GAD2: variants seen among roughly 807,000 people sequenced by gnomAD.
The protein encoded by GAD2 is 65 kDa glutamic acid decarboxylase.
In GAD2, 22 loss-of-function variants were observed where a neutral mutation model predicts 80.1. The ratio of observed to expected loss-of-function variants is 0.27; its 90% CI spans 0.20 to 0.39. The LOEUF is 0.39. Ranked by LOEUF, GAD2 falls within the 10% of genes least tolerant of loss-of-function variation. GAD2 has a pLI of 1.00. For missense variants in GAD2, 624 were observed against 738.4 expected, an observed-to-expected ratio of 0.85 and a Z score of 1.80; for synonymous variants, 274 against 256.9, an observed-to-expected ratio of 1.07 and a Z score of -0.64.
intron 3 of GAD2, among the ~76,000 whole-genome samples, chr10:26,218,551 T>TCACACACACACACACACACA (rs59054319): frequency 1.2e-4 from 14 of 118,860 alleles, no homozygotes; most frequent in East Asian, 1.1e-3. Context: ...TCTCTCTCTC[T>TCACACACACACACACACACA]CACACACACA....
intron 8 of GAD2, among the ~76,000 whole-genome samples, chr10:26,254,472 A>G (rs958430211): frequency 2.0e-5 from 3 of 152,142 alleles, no homozygotes; most frequent in African/African-American, 7.2e-5. Context: ...CCGGTTCCTA[A>G]CAGGTCACCA....
chr10:26,251,734 A>G (rs1351073903), intron 8 of GAD2, among the ~76,000 whole-genome samples: 2 of 152,246 alleles, frequency 1.3e-5, no homozygotes, highest in African/African-American at 4.8e-5. Flanking sequence ...GATTTCATCA[A>G]TTTGTTCTCC....
intron 8 of GAD2, among the ~76,000 whole-genome samples, chr10:26,247,577 G>A (rs1264111740): frequency 6.6e-6 from 1 of 152,032 alleles, no homozygotes; most frequent in Non-Finnish European, 1.5e-5. Flanking sequence ...CAGCAAATAC[G>A]GTGGCTCACG....
intron 8 of GAD2, among the ~76,000 whole-genome samples, chr10:26,251,516 C>A (rs957339086): frequency 6.6e-6 from 1 of 152,134 alleles, no homozygotes; most frequent in Non-Finnish European, 1.5e-5. Flanking sequence ...GAAAACAATC[C>A]GACAATGGGA....
chr10:26,222,597 G>T (rs944648096), intron 4 of GAD2, among the ~76,000 whole-genome samples: 2 of 152,166 alleles, frequency 1.3e-5, no homozygotes, highest in Non-Finnish European at 2.9e-5. Context: ...GTCAGCATCA[G>T]AGATAGAGGG....
At chr10:26,259,919 A>G (rs1312166398) in intron 8 of GAD2, among the ~76,000 whole-genome samples, 1 of 152,216 alleles carries the variant, frequency 6.6e-6, no homozygotes, top group Non-Finnish European at 1.5e-5. Context: ...TAAAAATAAG[A>G]ATGACAACAT....
At chr10:26,264,519 C>A (rs1845045363) in intron 8 of GAD2, among the ~76,000 whole-genome samples, 1 of 152,036 alleles carries the variant, frequency 6.6e-6, no homozygotes, top group African/African-American at 2.4e-5. Context: ...ACTGTGTTAG[C>A]CAGGATGGTC....
intron 15 of GAD2, among the ~76,000 whole-genome samples, chr10:26,297,030 T>C (rs1354670244): frequency 6.6e-6 from 1 of 152,114 alleles, no homozygotes; most frequent in Non-Finnish European, 1.5e-5. Flanking sequence ...TTCTCCCACC[T>C]CAGCCTGCCG....
chr10:26,284,564 CT>C (rs35046451), intron 12 of GAD2, among the ~76,000 whole-genome samples: 247 of 93,166 alleles, frequency 2.7e-3, no homozygotes, highest in South Asian at 0.014. Context: ...GGCTGTTCAG[CT>C]TTTTTTTTTT....
At chr10:26,244,299 C>T (rs765013775) in intron 7 of GAD2, among the ~76,000 whole-genome samples, 2 of 151,986 alleles carry the variant, frequency 1.3e-5, no homozygotes, top group African/African-American at 4.8e-5. Flanking sequence ...TAAAATGGTA[C>T]CGCCATGATG....
At chr10:26,299,437 T>C (rs1409995799) in intron 15 of GAD2, among the ~76,000 whole-genome samples, 3 of 152,176 alleles carry the variant, frequency 2.0e-5, no homozygotes, top group Admixed American at 6.5e-5. Flanking sequence ...TTTGCAGAAA[T>C]GAAGATCAGA....
chr10:26,289,622 C>T (rs915300375), intron 13 of GAD2, among the ~76,000 whole-genome samples: 11 of 151,588 alleles, frequency 7.3e-5, no homozygotes, highest in Non-Finnish European at 1.3e-4. Flanking sequence ...AGGCCCAGTG[C>T]CTACCGTTGA....
intron 6 of GAD2, among the ~76,000 whole-genome samples, chr10:26,227,291 C>T (rs995226791): frequency 3.3e-5 from 5 of 152,196 alleles, no homozygotes; most frequent in African/African-American, 9.7e-5. Context: ...TTAGAGGATT[C>T]GTAGGAAATA....
chr10:26,223,364 G>T lies in GAD2; in HGVS notation c.521-523G>T, dbSNP rs949901823. 3.3e-5 allele frequency among the ~76,000 whole-genome samples: 5 copies of T among 152,146 alleles called. No individual in the cohort carries two copies. The East Asian group carries it at 7.7e-4, about 23-fold the overall frequency. On this transcript the variant is annotated intron_variant, in intron 4 of 15. Coordinates refer to ENST00000376261, the MANE Select transcript of GAD2 (RefSeq NM_001134366.2). ...TTTTCTCATTTTTGCCCTGTCTTTT[G>T]TAATCATCAGCCATTTGTCACTGAT... is the stretch of plus-strand genomic sequence containing the variant.
intron 4 of GAD2, 33 bp from the exon 5 acceptor site, chr10:26,223,854 G>A (rs201452676): frequency 1.4e-6 from 2 of 1,392,724 alleles, no homozygotes; most frequent in Admixed American, 3.6e-5. Context: ...TTCACTGGAG[G>A]CAATCCTGAT....
intron 6 of GAD2, among the ~76,000 whole-genome samples, chr10:26,226,331 T>C (rs1417769858): frequency 6.6e-6 from 1 of 152,134 alleles, no homozygotes; most frequent in East Asian, 1.9e-4. Flanking sequence ...CCCTCACTGA[T>C]AATGGGGGAT....
chr10:26,267,784 G>C (rs1046388777), intron 8 of GAD2, among the ~76,000 whole-genome samples: 2 of 150,808 alleles, frequency 1.3e-5, no homozygotes, highest in Admixed American at 6.6e-5. Context: ...AAAAAAAAAG[G>C]GTCAAAAATA....
At chr10:26,265,359 C>T (rs1210537021) in intron 8 of GAD2, among the ~76,000 whole-genome samples, 1 of 152,098 alleles carries the variant, frequency 6.6e-6, no homozygotes, top group Non-Finnish European at 1.5e-5. Context: ...TGTGCACCAC[C>T]ATGCCCAGCT....
Position 26,276,877 on chromosome 10 carries a change from T to C in GAD2, c.1157+3177T>C, listed in dbSNP as rs192727577. 5.9e-5 allele frequency among the ~76,000 whole-genome samples: 9 copies of C among 152,342 alleles called. No individual in the cohort carries two copies. In the East Asian group the frequency reaches 1.5e-3, roughly 26 times the overall value. On this transcript the variant is annotated intron_variant, in intron 11 of 15. Transcript: ENST00000376261. The stretch of plus-strand genomic sequence containing the variant: ...AGGTGTTCAGGATTTAATTCGATCA[T>C]TGCTGAACCTCTGTCATAGGCAAGC...
Sources: allele counts gnomAD v4.1 joint callset (sites outside exome capture counted in the v4.1 genomes callset), GRCh38; gene constraint gnomAD v4.1.1; transcripts MANE v1.5; gene names NCBI Gene and HGNC (gene_info 2026-07-23, HGNC 2026-07-21).